DOCK10: variants seen among roughly 807,000 people sequenced by gnomAD.
DOCK10 encodes dedicator of cytokinesis protein 10.
Under a neutral mutation model 280.1 loss-of-function variants are expected in DOCK10, and 145 were observed. The observed-to-expected ratio is 0.52, with a 90% CI of 0.45 to 0.59. The LOEUF is 0.59. DOCK10 is among the 20% of genes least tolerant of loss of function. The probability of loss-of-function intolerance (pLI) is 0.00; values close to 1 mark genes in which losing one functional copy is unlikely to be tolerated. For missense variants in DOCK10, 2,368 were observed against 2,651.7 expected (o/e 0.89, Z 2.35); for synonymous variants, 915 against 942.2 (o/e 0.97, Z 0.53).
rs1299539125 is a variant in DOCK10 at position 224,981,881 on chromosome 2, AT to A, written c.124-50214del. ...TCTTCTTTCAAATTATAGTTATAAA[AT>A]AAAATCCACTCACTTAAACCAAACT... On this transcript the variant is annotated intron_variant, in intron 1 of 55. Transcript: ENST00000258390. 3.3e-5 allele frequency among the ~76,000 whole-genome samples: 5 copies of A among 152,198 alleles called. 1 individual carries two copies. The highest frequency in any genetic ancestry group is 1.2e-4 in the African/African-American group (5 of 41,466).
chr2:224,776,020 T>C (rs1158309855), intron 51 of DOCK10, among the ~76,000 whole-genome samples: 1 of 152,170 alleles, frequency 6.6e-6, no homozygotes, highest in African/African-American at 2.4e-5. Flanking sequence ...CATTTTTTTT[T>C]TTTTTTAAAC....
chr2:224,813,284 C>A (rs1343065968), intron 31 of DOCK10, among the ~76,000 whole-genome samples: 1 of 152,182 alleles, frequency 6.6e-6, no homozygotes, highest in Middle Eastern at 3.2e-3. Context: ...TAACCTCTGC[C>A]TCCAGGGTTC....
intron 1 of DOCK10, among the ~76,000 whole-genome samples, chr2:224,964,096 G>C (rs1704597061): frequency 6.6e-6 from 1 of 151,342 alleles, no homozygotes; most frequent in Admixed American, 6.6e-5. Flanking sequence ...ATAAAATACA[G>C]GATGCGGAGG....
Position 224,778,301 on chromosome 2 carries a change from A to G in DOCK10, c.5656-17T>C, listed in dbSNP as rs778916181. On this transcript the variant is annotated splice_polypyrimidine_tract_variant and intron_variant, in intron 50 of 55. Transcript: ENST00000258390. ...AAAAAAGCCCTATGGAACATAATGA[A>G]CCACCAATTTTATTAGACAATGCTA... The G allele has an allele frequency of 1.9e-6, 3 of 1,589,290 alleles. No individual in the cohort carries two copies. The highest frequency in any genetic ancestry group is 2.6e-6 in the Non-Finnish European group (3 of 1,165,994).
At chr2:224,969,940 A>G (rs1431837017) in intron 1 of DOCK10, among the ~76,000 whole-genome samples, 1 of 152,008 alleles carries the variant, frequency 6.6e-6, no homozygotes, top group Non-Finnish European at 1.5e-5. Flanking sequence ...CCTTGTCTAC[A>G]TCTCTCCTTG....
intron 27 of DOCK10, among the ~76,000 whole-genome samples, chr2:224,826,754 T>G (rs201179077): frequency 6.8e-6 from 1 of 146,974 alleles, no homozygotes; most frequent in East Asian, 2.0e-4. Flanking sequence ...TATCTATCTA[T>G]CTATCTATCT....
At chr2:224,982,886 A>C (rs139101665) in intron 1 of DOCK10, among the ~76,000 whole-genome samples, 7 of 152,028 alleles carry the variant, frequency 4.6e-5, no homozygotes, top group African/African-American at 1.4e-4. Flanking sequence ...TTCATAGCTC[A>C]TAAGTTCCAG....
intron 1 of DOCK10, among the ~76,000 whole-genome samples, chr2:225,010,754 A>T (rs916866018): frequency 2.0e-5 from 3 of 152,040 alleles, no homozygotes; most frequent in Non-Finnish European, 4.4e-5. Flanking sequence ...GCAAATCAAA[A>T]TTTTTTTTCA....
intron 24 of DOCK10, among the ~76,000 whole-genome samples, chr2:224,838,379 G>A (rs759799023): frequency 8.5e-5 from 13 of 152,092 alleles, no homozygotes; most frequent in Non-Finnish European, 1.6e-4. Flanking sequence ...ATGTACAGGT[G>A]GATCTTTTTT....
At chr2:225,031,668 C>T (rs966551158) in intron 1 of DOCK10, among the ~76,000 whole-genome samples, 1 of 152,172 alleles carries the variant, frequency 6.6e-6, no homozygotes, top group Non-Finnish European at 1.5e-5. Flanking sequence ...CAAACTTCTG[C>T]TCATGTATGT....
In DOCK10 at chr2:224,823,640, CG is replaced by C; in HGVS notation, c.3043del (p.Arg1015GlyfsTer24). The C allele has an allele frequency of 1.9e-6, 3 of 1,590,458 alleles. No homozygotes were observed. The highest frequency in any genetic ancestry group is 8.5e-7 in the Non-Finnish European group (1 of 1,171,786). On this transcript the variant is annotated frameshift_variant, in exon 28 of 56. Transcript: ENST00000258390. LOFTEE classifies it high-confidence loss of function. ...LIDTNKIQLP[R>X]PQRFPESYQN... is the part of the protein sequence containing the mutation. ...GTAAGATTCAGGAAATCTCTGAGGC[CG>C]GGGAAGCTAAGGAAAGAACGGATTA...
intron 1 of DOCK10, among the ~76,000 whole-genome samples, chr2:224,953,919 T>C (rs1703900357): frequency 7.2e-6 from 1 of 138,056 alleles, no homozygotes; most frequent in Non-Finnish European, 1.6e-5. Context: ...TGTGGGAGTC[T>C]GTGTGTGCAG....
At chr2:224,923,627 C>T (rs542413874) in intron 2 of DOCK10, among the ~76,000 whole-genome samples, 4 of 152,222 alleles carry the variant, frequency 2.6e-5, no homozygotes, top group East Asian at 1.9e-4. Flanking sequence ...GACTGAAGAG[C>T]GGCCCAGCAC....
chr2:224,978,945 C>T (rs1358338054), intron 1 of DOCK10, among the ~76,000 whole-genome samples: 4 of 140,912 alleles, frequency 2.8e-5, no homozygotes, highest in African/African-American at 5.0e-5. Context: ...TCAACTCTGA[C>T]ACCTTTTCCT....
intron 1 of DOCK10, among the ~76,000 whole-genome samples, chr2:224,952,713 C>T (rs1297394938): frequency 2.0e-5 from 3 of 150,540 alleles, no homozygotes; most frequent in Non-Finnish European, 3.0e-5. Context: ...CTGCCTCAGC[C>T]TCCCAAGTAG....
chr2:224,840,566 C>T (rs1383132487), intron 23 of DOCK10, among the ~76,000 whole-genome samples: 2 of 152,140 alleles, frequency 1.3e-5, no homozygotes, highest in Admixed American at 1.3e-4. Flanking sequence ...TGGGACATCA[C>T]CTCATATCTG....
chr2:224,868,566 G>A (rs1222747881), intron 11 of DOCK10, among the ~76,000 whole-genome samples: 3 of 152,140 alleles, frequency 2.0e-5, no homozygotes, highest in Non-Finnish European at 2.9e-5. Context: ...TGTGGGTTTT[G>A]TTAAATGCTT....
At chr2:224,969,632 C>T (rs1439935163) in intron 1 of DOCK10, among the ~76,000 whole-genome samples, 1 of 152,162 alleles carries the variant, frequency 6.6e-6, no homozygotes, top group East Asian at 1.9e-4. Flanking sequence ...CTATGCTTCA[C>T]TCAATTTTCA....
At chr2:224,898,180 T>C (rs541020589) in intron 3 of DOCK10, among the ~76,000 whole-genome samples, 69 of 152,240 alleles carry the variant, frequency 4.5e-4, no homozygotes, top group African/African-American at 1.6e-3. Flanking sequence ...GGAGAACACA[T>C]GTTCCAGGCA....
Sources: allele counts gnomAD v4.1 joint callset (sites outside exome capture counted in the v4.1 genomes callset), GRCh38; gene constraint gnomAD v4.1.1; transcripts MANE v1.5; gene names NCBI Gene and HGNC (gene_info 2026-07-23, HGNC 2026-07-21).